The following WFDC1 variants were observed in gnomAD, a reference collection of about 807,000 sequenced individuals.
WFDC1 encodes the protein WAP four-disulfide core domain 1.
WFDC1 carries 39 observed loss-of-function variants against 32.9 expected under a neutral mutation model. The ratio of observed to expected loss-of-function variants is 1.19; its 90% CI spans 0.92 to 1.55. The LOEUF is 1.55. Among genes scored for constraint, WFDC1 ranks in the 40% most tolerant of loss-of-function variants. The pLI, the probability that WFDC1 is intolerant of heterozygous loss-of-function variation, is 0.00. For missense variants in WFDC1, 386 were observed against 309.5 expected, an observed-to-expected ratio of 1.25 and a Z score of -1.85; for synonymous variants, 184 against 137.4, an observed-to-expected ratio of 1.34 and a Z score of -2.37.
chr16:84,316,837 G>T lies in WFDC1; in HGVS notation c.338-1435G>T, dbSNP rs1436960225. Reference sequence around the variant, plus strand: ...TACTAAAAATACAAAAATTAGCCAGGCATGGTGATGCGTGCCTGTAATCCC... The same window carrying T: ...TACTAAAAATACAAAAATTAGCCAGTCATGGTGATGCGTGCCTGTAATCCC... On this transcript the variant is annotated intron_variant, in intron 2 of 6. Coordinates refer to ENST00000219454, the MANE Select transcript of WFDC1 (RefSeq NM_021197.4). The T allele has an allele frequency of 3.7e-4, 57 of 152,022 alleles. 2 individuals carry two copies. Among genetic ancestry groups the T allele is most frequent in the Admixed American group, 3.7e-3 (57 of 15,260 alleles). The allele number at this position is 152,022 out of a possible 1,614,324, so 9.4% of individuals were successfully genotyped here.
At chr16:84,299,967 A>G (rs1306311956) in intron 1 of WFDC1, among the ~76,000 whole-genome samples, 1 of 152,228 alleles carries the variant, frequency 6.6e-6, no homozygotes, top group African/African-American at 2.4e-5. Flanking sequence ...TGTAGGAGCC[A>G]GCAGTGGCCC....
rs1907683278 is a variant in WFDC1 at position 84,312,372 on chromosome 16, C to T, written c.145-589C>T. On this transcript the variant is annotated intron_variant, in intron 1 of 6. Coordinates refer to ENST00000219454, the MANE Select transcript of WFDC1 (RefSeq NM_021197.4). Reference sequence around the variant, plus strand: ...TTCTCATGCCAGACATCAGCTTGGCCTGTTTTTGAGCTGCAAATATAAGTG... The same window carrying T: ...TTCTCATGCCAGACATCAGCTTGGCTTGTTTTTGAGCTGCAAATATAAGTG... Among the ~76,000 whole-genome samples the T allele has an allele frequency of 2.0e-5, 3 of 152,058 alleles. No homozygotes were observed. The South Asian group carries it at 6.2e-4, about 32-fold the overall frequency.
At chr16:84,304,735 G>A (rs1020000668) in intron 1 of WFDC1, among the ~76,000 whole-genome samples, 3 of 152,184 alleles carry the variant, frequency 2.0e-5, no homozygotes, top group African/African-American at 7.2e-5. Flanking sequence ...CTTTCTCAGG[G>A]ATTTCATGTG....
chr16:84,301,820 A>C (rs1391519210), intron 1 of WFDC1, among the ~76,000 whole-genome samples: 1 of 152,136 alleles, frequency 6.6e-6, no homozygotes, highest in Non-Finnish European at 1.5e-5. Flanking sequence ...CCTCGCTGGG[A>C]CTGAGATTCC....
chr16:84,295,002 T>G lies in WFDC1; in HGVS notation c.31T>G (p.Cys11Gly). ...TTTAACCGGCGTGGGGCCGGGCAGC[T>G]GCAGGAGGCAGATCATCCGGGCTCT... MPLTGVGPGSCRRQIIRALCL... is the reference protein window; with the variant it reads MPLTGVGPGSGRRQIIRALCL... Residue 11 changes from cysteine to glycine, a missense_variant, in exon 1 of 7, where the codon TGC becomes GGC. Transcript: ENST00000219454. 6.2e-7 allele frequency: 1 copy of G among 1,614,046 alleles called. No individual in the cohort carries two copies. The highest frequency in any genetic ancestry group is 8.5e-7 in the Non-Finnish European group (1 of 1,179,934).
intron 6 of WFDC1, 82 bp downstream of exon 6, chr16:84,327,037 G>A (rs1908646846): frequency 1.6e-5 from 23 of 1,401,486 alleles, no homozygotes; most frequent in Non-Finnish European, 2.1e-5. Flanking sequence ...CCAGGTTGAG[G>A]AGCAGGAGGG....
chr16:84,305,957 C>T (rs1224836483), intron 1 of WFDC1, among the ~76,000 whole-genome samples: 1 of 151,674 alleles, frequency 6.6e-6, no homozygotes, highest in African/African-American at 2.4e-5. Flanking sequence ...GAGCTGAGAT[C>T]GTGCCCTTGC....
At chr16:84,311,058 G>C (rs970200287) in intron 1 of WFDC1, among the ~76,000 whole-genome samples, 2 of 152,142 alleles carry the variant, frequency 1.3e-5, no homozygotes, top group Non-Finnish European at 2.9e-5. Context: ...GTGTGCAAAT[G>C]AGCACAAACT....
chr16:84,296,138 C>T (rs1597656099), intron 1 of WFDC1, among the ~76,000 whole-genome samples: 1 of 152,294 alleles, frequency 6.6e-6, no homozygotes, highest in Non-Finnish European at 1.5e-5. Flanking sequence ...AGGACGATAT[C>T]AGCACACAGA....
intron 4 of WFDC1, among the ~76,000 whole-genome samples, chr16:84,320,548 A>T (rs1367859406): frequency 6.6e-6 from 1 of 152,266 alleles, no homozygotes; most frequent in African/African-American, 2.4e-5. Flanking sequence ...GAACAATGGC[A>T]CAGCGATTCC....
At chr16:84,319,652 G>T (rs756403181) in intron 4 of WFDC1, 81 bp downstream of exon 4, 3 of 1,541,612 alleles carry the variant, frequency 1.9e-6, no homozygotes, top group South Asian at 2.4e-5. Context: ...CCGCATGGAC[G>T]ACCTGCCCCA....
In WFDC1 at chr16:84,295,017, A is replaced by G. The variant is rs147196840; in HGVS notation, c.46A>G (p.Ile16Val). 66 of 1,614,190 alleles carry G rather than the reference A, an allele frequency of 4.1e-5. No homozygotes were observed. The East Asian group carries it at 1.4e-3, about 33-fold the overall frequency. ...GCCGGGCAGCTGCAGGAGGCAGATC[A>G]TCCGGGCTCTGTGCCTCTTGCTACT... is the stretch of plus-strand genomic sequence containing the variant. ...VGPGSCRRQI[I>V]RALCLLLLLL... The change falls in exon 1 of 7, where the codon ATC (isoleucine) becomes GTC (valine). Residue 16 changes from isoleucine to valine, a missense_variant. Coordinates refer to ENST00000219454, the MANE Select transcript of WFDC1 (RefSeq NM_021197.4).
intron 1 of WFDC1, among the ~76,000 whole-genome samples, chr16:84,300,570 G>A (rs2151366204): frequency 6.6e-6 from 1 of 152,344 alleles, no homozygotes; most frequent in Middle Eastern, 3.4e-3. Flanking sequence ...CCTTGTGAAT[G>A]TGACCTTTTT....
intron 4 of WFDC1, 58 bp downstream of exon 4, chr16:84,319,629 A>G (rs1908187975): frequency 6.3e-7 from 1 of 1,587,054 alleles, no homozygotes; most frequent in Non-Finnish European, 8.5e-7. Flanking sequence ...TTCTCCCTGT[A>G]AGCGCCTCTC....
In WFDC1 at chr16:84,319,521, C is replaced by A; in HGVS notation, c.512C>A (p.Ala171Asp). The change falls in exon 4 of 7, where the codon GCC becomes GAC. Residue 171 changes from alanine to aspartate, a missense_variant. Transcript: ENST00000219454. ...ECHILSPGDV[A>D]EGIPNRGQCV... ...CACATCCTGAGCCCAGGTGACGTGG[C>A]CGAAGGTATCCCCAACCGTGGGCAG... 6.2e-7 allele frequency: 1 copy of A among 1,613,030 alleles called. No homozygotes were observed. The highest frequency in any genetic ancestry group is 8.5e-7 in the Non-Finnish European group (1 of 1,179,940).
At chr16:84,313,684 C>T (rs1907783652) in intron 2 of WFDC1, among the ~76,000 whole-genome samples, 1 of 152,206 alleles carries the variant, frequency 6.6e-6, no homozygotes, top group African/African-American at 2.4e-5. Flanking sequence ...CATGCCTGGC[C>T]CTGGGGTATT....
chr16:84,316,158 C>A (rs530170363), intron 2 of WFDC1: 8 of 152,194 alleles, frequency 5.3e-5, no homozygotes, highest in Non-Finnish European at 1.2e-4. Context: ...CGAAAGGTTG[C>A]GTATAGAGGC....
At chr16:84,302,154 G>T (rs1567651080) in intron 1 of WFDC1, among the ~76,000 whole-genome samples, 1 of 152,134 alleles carries the variant, frequency 6.6e-6, no homozygotes, top group Non-Finnish European at 1.5e-5. Flanking sequence ...ACGTCCAGAA[G>T]AGGCAAATCC....
chr16:84,295,454 G>T, intron 1 of WFDC1: 1 of 471,404 alleles, frequency 2.1e-6, no homozygotes, highest in Non-Finnish European at 3.7e-6. Flanking sequence ...CCGTCTCCCT[G>T]ATCAGTACCA....
Sources: gnomAD v4.1 joint callset for allele counts (sites outside exome capture counted in the v4.1 genomes callset) on GRCh38, gnomAD v4.1.1 for gene constraint, MANE v1.5 for transcripts, NCBI Gene and HGNC (gene_info 2026-07-23, HGNC 2026-07-21) for gene names.